Variants in SMPX observed in about 807,000 individuals in gnomAD.
SMPX encodes small muscular protein.
In SMPX, 2 loss-of-function variants were observed where a neutral mutation model predicts 6.3. That is an observed-to-expected ratio of 0.32 (90% CI 0.13 to 0.99). The LOEUF (loss-of-function observed/expected upper bound fraction) is 0.99, where lower values mean the gene tolerates loss of function less well. Among genes scored for constraint, SMPX ranks in the 50% least tolerant of loss-of-function variants. The probability of loss-of-function intolerance (pLI) is 0.49; values close to 1 mark genes in which losing one functional copy is unlikely to be tolerated. For synonymous variants in SMPX, 32 were observed against 24.7 expected (o/e 1.30, Z -0.88); for missense variants, 60 against 66.8 (o/e 0.90, Z 0.36).
intron 2 of SMPX, among the ~76,000 whole-genome samples, chrX:21,748,999 T>G (rs998619294): frequency 8.9e-6 from 1 of 111,929 alleles, no homozygotes; most frequent in East Asian, 2.8e-4. Context: ...TATTTTCATC[T>G]TCCGTGGAGA....
At chrX:21,751,068 A>G (rs1343064286) in intron 2 of SMPX, among the ~76,000 whole-genome samples, 1 of 112,252 alleles carries the variant, frequency 8.9e-6, no homozygotes. Flanking sequence ...TGTTAGAGCT[A>G]TGGTCAAAAG....
intron 3 of SMPX, among the ~76,000 whole-genome samples, chrX:21,739,076 G>A (rs2092813554): frequency 9.0e-6 from 1 of 110,507 alleles, no homozygotes; most frequent in African/African-American, 3.3e-5. Flanking sequence ...AGAGAGGGTG[G>A]GCCCTATGCC....
intron 1 of SMPX, 25 bp downstream of exon 1, chrX:21,757,917 G>A (rs2092834566): frequency 3.1e-6 from 1 of 323,910 alleles, no homozygotes; most frequent in South Asian, 2.6e-5. Flanking sequence ...AAACCCAGTC[G>A]CCGGAGCTGC....
chrX:21,721,302 G>A (rs1485118267), intron 4 of SMPX, among the ~76,000 whole-genome samples: 1 of 111,577 alleles, frequency 9.0e-6, no homozygotes, highest in Non-Finnish European at 1.9e-5. Context: ...CTATTGTTTG[G>A]ACTCATATGG....
intron 4 of SMPX, among the ~76,000 whole-genome samples, chrX:21,716,589 A>G (rs1008462763): frequency 9.8e-5 from 11 of 112,535 alleles, no homozygotes; most frequent in Non-Finnish European, 1.9e-4. Flanking sequence ...TACTATTACT[A>G]TTATTCAGGG....
At chrX:21,731,949 TC>T (rs1466343349) in intron 4 of SMPX, among the ~76,000 whole-genome samples, 2 of 110,309 alleles carry the variant, frequency 1.8e-5, no homozygotes, top group Non-Finnish European at 3.8e-5. Context: ...GATATTGAAT[TC>T]CCCAATTATT....
At chrX:21,738,124 G>A (rs191200191) in intron 3 of SMPX, among the ~76,000 whole-genome samples, 185 of 112,422 alleles carry the variant, frequency 1.6e-3, no homozygotes, top group South Asian at 1.9e-3. Context: ...TGAAACAAAC[G>A]TAAGCAAAAC....
chrX:21,726,299 T>C (rs1204042384), intron 4 of SMPX, among the ~76,000 whole-genome samples: 1 of 112,096 alleles, frequency 8.9e-6, no homozygotes, highest in African/African-American at 3.2e-5. Context: ...CCACTTCTTC[T>C]CGCAGAACTC....
At chrX:21,722,589 A>G (rs1265648739) in intron 4 of SMPX, among the ~76,000 whole-genome samples, 1 of 112,393 alleles carries the variant, frequency 8.9e-6, no homozygotes, top group African/African-American at 3.2e-5. Context: ...AAACAGCTAC[A>G]GAAATGAACA....
At position 21,758,100 on chromosome X, in the gene SMPX, C is replaced by T. The variant is rs1394046492; in HGVS notation, c.-171G>A. On this transcript the variant is annotated 5_prime_UTR_variant, in exon 1 of 5. Coordinates refer to ENST00000379494, the MANE Select transcript of SMPX (RefSeq NM_014332.3). ...GGCTGAAATAGCTCTGTGCCTCTCC[C>T]GGTATTGAGAACTGCTCCTGGCTCG... 6 of 329,425 alleles carry T rather than the reference C, an allele frequency of 1.8e-5. 1 individual carries two copies. The highest frequency in any genetic ancestry group is 1.5e-4 in the Admixed American group (5 of 32,294). The allele number at this position is 329,425 out of a possible 1,213,427, so 27.1% of individuals were successfully genotyped here.
chrX:21,716,976 A>T (rs1459181290), intron 4 of SMPX, among the ~76,000 whole-genome samples: 2 of 112,166 alleles, frequency 1.8e-5, no homozygotes, highest in Non-Finnish European at 3.8e-5. Context: ...CAGTTTTGTC[A>T]CATGGATACA....
intron 4 of SMPX, among the ~76,000 whole-genome samples, chrX:21,734,076 A>G (rs1173992317): frequency 2.7e-5 from 3 of 112,370 alleles, no homozygotes; most frequent in Non-Finnish European, 5.6e-5. Flanking sequence ...TTAAGCTGCT[A>G]TCTAATTCTT....
intron 4 of SMPX, among the ~76,000 whole-genome samples, chrX:21,726,649 G>C: frequency 8.9e-6 from 1 of 112,124 alleles, no homozygotes; most frequent in Middle Eastern, 4.6e-3. Flanking sequence ...AGGGTGTTTA[G>C]TACCATCCCT....
chrX:21,733,988 G>T (rs2092807838), intron 4 of SMPX, among the ~76,000 whole-genome samples: 1 of 111,435 alleles, frequency 9.0e-6, no homozygotes, highest in Admixed American at 9.5e-5. Flanking sequence ...TCATACCTTA[G>T]CCCCTCAAAA....
intron 4 of SMPX, among the ~76,000 whole-genome samples, chrX:21,735,255 T>G (rs2092809302): frequency 9.0e-6 from 1 of 111,684 alleles, no homozygotes; most frequent in Non-Finnish European, 1.9e-5. Flanking sequence ...AGGAGAAAAA[T>G]AAGTCAAAAG....
intron 4 of SMPX, among the ~76,000 whole-genome samples, chrX:21,729,739 C>T (rs770917933): frequency 6.3e-5 from 7 of 111,626 alleles, no homozygotes; most frequent in Admixed American, 9.6e-5. Context: ...TAAAAGCTCT[C>T]GCACCAATTC....
chrX:21,748,944 T>G (rs2092824410), intron 2 of SMPX, among the ~76,000 whole-genome samples: 1 of 112,089 alleles, frequency 8.9e-6, no homozygotes, highest in Non-Finnish European at 1.9e-5. Context: ...AAACTGGAAA[T>G]CCTACACAGG....
At chrX:21,735,850 T>A (rs186238065) in intron 4 of SMPX, among the ~76,000 whole-genome samples, 2 of 111,853 alleles carry the variant, frequency 1.8e-5, no homozygotes, top group African/African-American at 6.5e-5. Flanking sequence ...CCCTACCATA[T>A]TGAAAGATTT....
chrX:21,732,901 G>A (rs1222930889), intron 4 of SMPX, among the ~76,000 whole-genome samples: 1 of 111,120 alleles, frequency 9.0e-6, no homozygotes, highest in Non-Finnish European at 1.9e-5. Flanking sequence ...ATAAGAAGAG[G>A]AAGAGACATC....
Sources: gnomAD v4.1 joint callset for allele counts (sites outside exome capture counted in the v4.1 genomes callset) on GRCh38, gnomAD v4.1.1 for gene constraint, MANE v1.5 for transcripts, NCBI Gene and HGNC (gene_info 2026-07-23, HGNC 2026-07-21) for gene names.